Variants in TOGARAM1 observed in about 807,000 individuals in gnomAD.
TOGARAM1 encodes TOG array regulator of axonemal microtubules protein 1.
Under a neutral mutation model 166.6 loss-of-function variants are expected in TOGARAM1, and 100 were observed. That is an observed-to-expected ratio of 0.60 (90% CI 0.51 to 0.71). The LOEUF is 0.71. TOGARAM1 is among the 30% of genes least tolerant of loss of function. The probability of loss-of-function intolerance (pLI) is 0.00; values close to 1 mark genes in which losing one functional copy is unlikely to be tolerated. For synonymous variants in TOGARAM1, 758 were observed against 763.8 expected (o/e 0.99, Z 0.13); for missense variants, 2,029 against 2,102.7 (o/e 0.96, Z 0.69).
chr14:44,995,309 A>C (rs1887358429), intron 1 of TOGARAM1, among the ~76,000 whole-genome samples: 1 of 152,240 alleles, frequency 6.6e-6, no homozygotes, highest in African/African-American at 2.4e-5. Context: ...TAGGCTGCAG[A>C]ATATGGATAA....
At chr14:45,023,694 A>T (rs1880658727) in intron 7 of TOGARAM1, among the ~76,000 whole-genome samples, 1 of 152,086 alleles carries the variant, frequency 6.6e-6, no homozygotes, top group Non-Finnish European at 1.5e-5. Flanking sequence ...CAAGCTTAAC[A>T]TGAGTGATTC....
chr14:45,024,778 A>G lies in TOGARAM1; in HGVS notation c.3239-1005A>G, dbSNP rs559034826. ...TCACTTACATGGATTTCTTTCTTTA[A>G]TCTTTGCCATTTTCACATAAAGCCA... On this transcript the variant is annotated intron_variant, in intron 7 of 19. Coordinates refer to ENST00000361462, the MANE Select transcript of TOGARAM1 (RefSeq NM_001308120.2). Among the ~76,000 whole-genome samples, 19 of 152,332 alleles carry G rather than the reference A, an allele frequency of 1.2e-4. No individual in the cohort carries two copies. In the East Asian group the frequency reaches 3.5e-3, roughly 28 times the overall value.
chr14:44,980,781 T>G (rs919757612), intron 1 of TOGARAM1, among the ~76,000 whole-genome samples: 3 of 152,200 alleles, frequency 2.0e-5, no homozygotes, highest in Non-Finnish European at 4.4e-5. Context: ...AACCTGTTAT[T>G]TTGACAGTAA....
rs192410541 is a variant in TOGARAM1 at position 45,055,521 on chromosome 14, C to T, written c.4559+972C>T. On this transcript the variant is annotated intron_variant, in intron 16 of 19. Coordinates refer to ENST00000361462, the MANE Select transcript of TOGARAM1 (RefSeq NM_001308120.2). ...TTGGTTTTGCTTAAGGTTGCTTTGGCTGGCTGGGCGCCATGGCTCACACCT... is the reference window on the plus strand; with the variant it reads ...TTGGTTTTGCTTAAGGTTGCTTTGGTTGGCTGGGCGCCATGGCTCACACCT... Among the ~76,000 whole-genome samples the T allele has an allele frequency of 1.6e-3, 249 of 152,032 alleles. 2 individuals carry two copies. The highest frequency in any genetic ancestry group is 2.7e-3 in the Non-Finnish European group (186 of 67,950).
At chr14:44,992,611 C>CT (rs376434047) in intron 1 of TOGARAM1, among the ~76,000 whole-genome samples, 3,653 of 91,284 alleles carry the variant, frequency 0.04, 103 homozygotes, top group African/African-American at 0.054. Context: ...TTTTTGTAAT[C>CT]TTTTTTTTTT....
At chr14:45,053,323 G>C (rs919740018) in intron 15 of TOGARAM1, among the ~76,000 whole-genome samples, 3 of 152,150 alleles carry the variant, frequency 2.0e-5, no homozygotes, top group Non-Finnish European at 2.9e-5. Flanking sequence ...TTACAGGCGA[G>C]AGCCAATGCG....
intron 15 of TOGARAM1, among the ~76,000 whole-genome samples, chr14:45,053,283 C>T (rs1275838478): frequency 4.6e-5 from 7 of 152,092 alleles, no homozygotes; most frequent in Admixed American, 6.5e-5. Context: ...TCAGGTGATC[C>T]GCCTGACTCG....
At chr14:45,043,639 G>A (rs1417687985) in intron 11 of TOGARAM1, 47 bp from the exon 12 acceptor site, 7 of 1,012,176 alleles carry the variant, frequency 6.9e-6, no homozygotes, top group Non-Finnish European at 1.1e-5. Flanking sequence ...TCCTGTTCCA[G>A]TTGAGTCCCA....
chr14:44,987,985 C>T (rs1377009264), intron 1 of TOGARAM1, among the ~76,000 whole-genome samples: 3 of 151,970 alleles, frequency 2.0e-5, no homozygotes, highest in Non-Finnish European at 4.4e-5. Flanking sequence ...AACCATCATT[C>T]TCAGCAAACT....
At position 44,963,912 on chromosome 14, in the gene TOGARAM1, C is replaced by A. The variant is rs199500373; in HGVS notation, c.1491C>A (p.Ser497=). The part of the protein sequence containing the change: ...REEVVNICIC[S]LLTYPSEDFD... ...AGGTGGTGAACATTTGCATCTGCTC[C>A]CTGCTGACCTATCCTAGTGAGGATT... The change falls in exon 1 of 20, where the codon TCC becomes TCA. Residue 497 remains serine, a synonymous_variant. Transcript: ENST00000361462. 1 of 1,613,726 alleles carries A rather than the reference C, an allele frequency of 6.2e-7. No homozygotes were observed. Among genetic ancestry groups the A allele is most frequent in the South Asian group, 1.1e-5 (1 of 91,080 alleles).
intron 1 of TOGARAM1, among the ~76,000 whole-genome samples, chr14:44,982,057 G>A (rs1886567357): frequency 6.6e-6 from 1 of 151,946 alleles, no homozygotes; most frequent in Admixed American, 6.6e-5. Flanking sequence ...TGGCCAGGCT[G>A]GTCTTGAACT....
intron 18 of TOGARAM1, among the ~76,000 whole-genome samples, chr14:45,070,888 T>C (rs916860516): frequency 1.3e-5 from 2 of 152,040 alleles, no homozygotes; most frequent in South Asian, 2.1e-4. Flanking sequence ...ATTCAGTAAA[T>C]GTAAAAACTG....
chr14:45,037,859 C>T (rs1283929980), intron 11 of TOGARAM1, among the ~76,000 whole-genome samples: 1 of 147,038 alleles, frequency 6.8e-6, no homozygotes, highest in Non-Finnish European at 1.5e-5. Context: ...AACCCCATCT[C>T]TACTAAAAAA....
intron 1 of TOGARAM1, among the ~76,000 whole-genome samples, chr14:44,968,207 T>C (rs983306711): frequency 6.6e-6 from 1 of 152,218 alleles, no homozygotes; most frequent in African/African-American, 2.4e-5. Flanking sequence ...GTTTTATGTG[T>C]GCAGTTTAAA....
At chr14:44,967,451 A>T (rs941747967) in intron 1 of TOGARAM1, among the ~76,000 whole-genome samples, 1 of 152,170 alleles carries the variant, frequency 6.6e-6, no homozygotes, top group Non-Finnish European at 1.5e-5. Flanking sequence ...TTGTATTTAG[A>T]ATTATTCCAC....
rs149661832 is a variant in TOGARAM1 at position 44,962,225 on chromosome 14, G to A, written c.-197G>A. 1,378 of 546,998 alleles carry A rather than the reference G, an allele frequency of 2.5e-3. 10 individuals carry two copies. Among genetic ancestry groups the A allele is most frequent in the African/African-American group, 0.022 (1,145 of 52,038 alleles). 33.9% of individuals were successfully genotyped at this position (546,998 alleles called of 1,614,324 possible). On this transcript the variant is annotated 5_prime_UTR_variant, in exon 1 of 20. Coordinates refer to ENST00000361462, the MANE Select transcript of TOGARAM1 (RefSeq NM_001308120.2). ...CTTGGTTACGCCCGGTGGCAGCTGT[G>A]GGGTCTAGGGCTCAGACGGGGGCCA...
In TOGARAM1 at chr14:44,964,321, A is replaced by C. The variant is rs771549917; in HGVS notation, c.1900A>C (p.Met634Leu). ...CHCGDHVRDS[M>L]HIYGSYSPTI... ...CTGTGGTGACCACGTGAGGGATAGC[A>C]TGCACATTTATGGATCTTACAGCCC... The change falls in exon 1 of 20, where the codon ATG (methionine) becomes CTG (leucine). Residue 634 changes from methionine (M) to leucine (L), a missense_variant. Around this residue, in one of 2 missense-constraint regions of TOGARAM1, gnomAD observed 1,453 missense variants for 1,432.2 expected, o/e 1.01. Transcript: ENST00000361462. 1 of 1,614,234 alleles carries C rather than the reference A, an allele frequency of 6.2e-7. No homozygotes were observed. The highest frequency in any genetic ancestry group is 1.1e-5 in the South Asian group (1 of 91,088).
chr14:45,070,144 T>C (rs1176040981), intron 18 of TOGARAM1, among the ~76,000 whole-genome samples: 1 of 152,024 alleles, frequency 6.6e-6, no homozygotes, highest in East Asian at 1.9e-4. Flanking sequence ...ATCACGCCAC[T>C]GCACTTCAGC....
At chr14:45,019,940 T>G (rs1313452551) in intron 7 of TOGARAM1, among the ~76,000 whole-genome samples, 1 of 152,106 alleles carries the variant, frequency 6.6e-6, no homozygotes, top group Admixed American at 6.5e-5. Context: ...AGGGGTGACT[T>G]CAGTGTCATC....
Sources: gnomAD v4.1 joint callset for allele counts (sites outside exome capture counted in the v4.1 genomes callset) on GRCh38, gnomAD v4.1.1 for gene constraint, gnomAD v4.1.1 regional missense constraint, MANE v1.5 for transcripts, NCBI Gene and HGNC (gene_info 2026-07-23, HGNC 2026-07-21) for gene names.